RPS6KC1: variants seen among roughly 807,000 people sequenced by gnomAD.
RPS6KC1 encodes the protein inactive ribosomal protein S6 kinase delta-1.
In RPS6KC1, 54 loss-of-function variants were observed where a neutral mutation model predicts 103.8. That is an observed-to-expected ratio of 0.52 (90% CI 0.42 to 0.65). RPS6KC1 has a LOEUF of 0.65. Among genes scored for constraint, RPS6KC1 ranks in the 30% least tolerant of loss-of-function variants. The probability of loss-of-function intolerance (pLI) is 0.00; values close to 1 mark genes in which losing one functional copy is unlikely to be tolerated. For missense variants in RPS6KC1, 1,151 were observed against 1,253.8 expected, an observed-to-expected ratio of 0.92 and a Z score of 1.24; for synonymous variants, 439 against 438.7, an observed-to-expected ratio of 1.00 and a Z score of -0.01.
the RPS6KC1 span, among the ~76,000 whole-genome samples, chr1:213,788,991 G>T: frequency 4.6e-3 from 705 of 152,262 alleles, 10 homozygotes; most frequent in African/African-American, 0.016. Flanking sequence ...TAGCAGGGGT[G>T]GACAGCACAT....
the RPS6KC1 span, among the ~76,000 whole-genome samples, chr1:213,632,093 T>C: frequency 6.6e-6 from 1 of 152,216 alleles, no homozygotes; most frequent in African/African-American, 2.4e-5. Context: ...AAGAGGTTTT[T>C]CCTTTTAATT....
chr1:213,090,308 CTCTT>C (rs2148652346), intron 3 of RPS6KC1, among the ~76,000 whole-genome samples: 1 of 152,286 alleles, frequency 6.6e-6, no homozygotes, highest in African/African-American at 2.4e-5. Flanking sequence ...ATAATTTTCT[CTCTT>C]TCTCTTTGAT....
chr1:213,627,364 G>A, the RPS6KC1 span, among the ~76,000 whole-genome samples: 17,936 of 152,102 alleles, frequency 0.12, 1,473 homozygotes, highest in African/African-American at 0.23. Flanking sequence ...CATGTCATCT[G>A]CAAACAGGGA....
At chr1:213,756,374 C>T in the RPS6KC1 span, among the ~76,000 whole-genome samples, 1 of 152,134 alleles carries the variant, frequency 6.6e-6, no homozygotes, top group African/African-American at 2.4e-5. Context: ...GGTTCAAAGG[C>T]AATCCTTGTG....
the RPS6KC1 span, among the ~76,000 whole-genome samples, chr1:213,716,928 G>A: frequency 1.3e-5 from 2 of 152,160 alleles, no homozygotes; most frequent in Non-Finnish European, 2.9e-5. Flanking sequence ...AAACTAGAAA[G>A]ATTTATTCAT....
intron 8 of RPS6KC1, among the ~76,000 whole-genome samples, chr1:213,207,636 C>T (rs764866061): frequency 3.5e-4 from 54 of 152,156 alleles, no homozygotes; most frequent in Non-Finnish European, 1.0e-4. Context: ...GTGTGGCTCC[C>T]CTGCACATGT....
chr1:213,361,107 C>G, the RPS6KC1 span, among the ~76,000 whole-genome samples: 1 of 152,232 alleles, frequency 6.6e-6, no homozygotes, highest in Non-Finnish European at 1.5e-5. Context: ...ACATTTAAGT[C>G]TGCAGAGGTT....
At chr1:213,381,036 A>C in the RPS6KC1 span, among the ~76,000 whole-genome samples, 4 of 152,138 alleles carry the variant, frequency 2.6e-5, no homozygotes, top group African/African-American at 4.8e-5. Flanking sequence ...AGAGCTTGGG[A>C]AGTGCTTCTG....
the RPS6KC1 span, among the ~76,000 whole-genome samples, chr1:213,517,768 A>C: frequency 3.9e-4 from 60 of 152,268 alleles, no homozygotes; most frequent in African/African-American, 1.4e-3. Context: ...AGCTGAGTTC[A>C]GTTCCTGGAT....
chr1:213,127,503 AGTT>A (rs1271485910), intron 5 of RPS6KC1, among the ~76,000 whole-genome samples: 2 of 152,236 alleles, frequency 1.3e-5, no homozygotes. Context: ...GCACTTATGC[AGTT>A]GTTTGAGCCA....
At chr1:213,511,985 A>G in the RPS6KC1 span, among the ~76,000 whole-genome samples, 3 of 152,150 alleles carry the variant, frequency 2.0e-5, no homozygotes, top group South Asian at 4.1e-4. Flanking sequence ...ACCACCCGCT[A>G]TGTGTTTAGT....
the RPS6KC1 span, among the ~76,000 whole-genome samples, chr1:213,790,362 C>T: frequency 7.9e-5 from 12 of 152,146 alleles, no homozygotes; most frequent in Admixed American, 7.2e-4. Context: ...ATGACTTTCT[C>T]TTTATCATCA....
At chr1:213,248,144 CAAAT>C (rs1371538684) in intron 12 of RPS6KC1, among the ~76,000 whole-genome samples, 1 of 151,918 alleles carries the variant, frequency 6.6e-6, no homozygotes, top group Non-Finnish European at 1.5e-5. Context: ...ATAGAGAAAG[CAAAT>C]AAATATAGAT....
chr1:213,207,619 A>T (rs2093387336), intron 8 of RPS6KC1, among the ~76,000 whole-genome samples: 1 of 151,958 alleles, frequency 6.6e-6, no homozygotes, highest in African/African-American at 2.4e-5. Flanking sequence ...TTAGAGTCTC[A>T]TATTTTGTGT....
the RPS6KC1 span, among the ~76,000 whole-genome samples, chr1:213,556,158 C>A: frequency 6.6e-6 from 1 of 152,100 alleles, no homozygotes; most frequent in African/African-American, 2.4e-5. Flanking sequence ...TTGTCCTTAG[C>A]CAAGTTTGAG....
intron 6 of RPS6KC1, among the ~76,000 whole-genome samples, chr1:213,153,794 G>A (rs774274505): frequency 6.6e-6 from 1 of 152,146 alleles, no homozygotes; most frequent in African/African-American, 2.4e-5. Flanking sequence ...TTGTTTGTCT[G>A]GGAAGGTGTT....
the RPS6KC1 span, among the ~76,000 whole-genome samples, chr1:213,443,079 A>T: frequency 1.3e-5 from 2 of 152,180 alleles, no homozygotes; most frequent in African/African-American, 4.8e-5. Context: ...CACTAGTAAG[A>T]ATTAAGCCAA....
chr1:213,830,838 G>T, the RPS6KC1 span, among the ~76,000 whole-genome samples: 1 of 152,168 alleles, frequency 6.6e-6, no homozygotes, highest in Non-Finnish European at 1.5e-5. Flanking sequence ...AGCCAGGGGA[G>T]TAGGCCCACA....
chr1:213,301,455 C>A, the RPS6KC1 span, among the ~76,000 whole-genome samples: 1 of 152,290 alleles, frequency 6.6e-6, no homozygotes, highest in East Asian at 1.9e-4. Flanking sequence ...CAAGCATTGT[C>A]AAGGTTCTGG....
Sources: gnomAD v4.1 joint callset for allele counts (sites outside exome capture counted in the v4.1 genomes callset) on GRCh38, gnomAD v4.1.1 for gene constraint, MANE v1.5 for transcripts, NCBI Gene and HGNC (gene_info 2026-07-23, HGNC 2026-07-21) for gene names.